ARB2A: variants seen among roughly 807,000 people sequenced by gnomAD.
The protein encoded by ARB2A is ARB2 cotranscriptional regulator A, also known as cotranscriptional regulator ARB2A.
At chr5:93,621,192 C>T in the ARB2A span, 17 of 1,495,470 alleles carry the variant, frequency 1.1e-5, no homozygotes, top group African/African-American at 1.7e-4. Flanking sequence ...GTGAGGGCGG[C>T]GAGGGCCAGG....
At chr5:93,876,466 C>T in the ARB2A span, among the ~76,000 whole-genome samples, 2 of 152,070 alleles carry the variant, frequency 1.3e-5, no homozygotes, top group African/African-American at 4.8e-5. Context: ...GTTCTTTGAT[C>T]TCTCATGCTC....
At chr5:94,055,056 C>T in the ARB2A span, among the ~76,000 whole-genome samples, 67 of 152,286 alleles carry the variant, frequency 4.4e-4, no homozygotes, top group Admixed American at 2.7e-3. Flanking sequence ...AGTCTGTCAA[C>T]AAGCATTTAA....
At chr5:93,672,284 T>G in the ARB2A span, among the ~76,000 whole-genome samples, 1 of 151,972 alleles carries the variant, frequency 6.6e-6, no homozygotes, top group Non-Finnish European at 1.5e-5. Context: ...AAAAAAGTAG[T>G]GATAGAAATG....
At chr5:93,651,563 A>G in the ARB2A span, among the ~76,000 whole-genome samples, 3 of 152,242 alleles carry the variant, frequency 2.0e-5, no homozygotes, top group East Asian at 3.8e-4. Flanking sequence ...ACATGACAGA[A>G]TAAGTTCTTT....
the ARB2A span, among the ~76,000 whole-genome samples, chr5:93,849,386 T>C: frequency 7.9e-5 from 12 of 152,148 alleles, no homozygotes; most frequent in Non-Finnish European, 1.3e-4. Context: ...TATTATTGCA[T>C]TGTACTAAAG....
chr5:93,901,032 G>C, the ARB2A span, among the ~76,000 whole-genome samples: 2 of 152,060 alleles, frequency 1.3e-5, no homozygotes, highest in Non-Finnish European at 2.9e-5. Flanking sequence ...TCACCTTATA[G>C]CTTTAGTAGG....
chr5:93,857,062 G>C, the ARB2A span, among the ~76,000 whole-genome samples: 1 of 152,194 alleles, frequency 6.6e-6, no homozygotes, highest in Admixed American at 6.5e-5. Context: ...GACCCTATTT[G>C]CCTGGGTATC....
chr5:94,097,614 T>C, the ARB2A span, among the ~76,000 whole-genome samples: 1 of 152,198 alleles, frequency 6.6e-6, no homozygotes, highest in African/African-American at 2.4e-5. Context: ...TGCTCCTCCT[T>C]GCCTTCCACC....
chr5:94,024,518 C>G, the ARB2A span, among the ~76,000 whole-genome samples: 4 of 152,024 alleles, frequency 2.6e-5, no homozygotes, highest in Non-Finnish European at 5.9e-5. Context: ...CTGGAGAACC[C>G]TAACTATCCA....
the ARB2A span, among the ~76,000 whole-genome samples, chr5:93,730,071 A>G: frequency 6.6e-6 from 1 of 152,212 alleles, no homozygotes; most frequent in Non-Finnish European, 1.5e-5. Context: ...TGACTAATGC[A>G]AGAAACTCAG....
chr5:93,696,463 T>C, the ARB2A span, among the ~76,000 whole-genome samples: 1 of 152,204 alleles, frequency 6.6e-6, no homozygotes, highest in Non-Finnish European at 1.5e-5. Context: ...CCTGAACGTC[T>C]TATTGGATCT....
chr5:94,009,842 T>C, the ARB2A span, among the ~76,000 whole-genome samples: 3 of 152,040 alleles, frequency 2.0e-5, no homozygotes, highest in Admixed American at 2.0e-4. Context: ...TAAAATTCTC[T>C]ACTATTGTTT....
At chr5:94,065,183 T>C in the ARB2A span, among the ~76,000 whole-genome samples, 17 of 152,350 alleles carry the variant, frequency 1.1e-4, no homozygotes, top group South Asian at 3.3e-3. Flanking sequence ...ACTCATCTTA[T>C]CTGTAAAGAC....
the ARB2A span, among the ~76,000 whole-genome samples, chr5:93,763,491 C>A: frequency 3.8e-3 from 573 of 152,178 alleles, 5 homozygotes; most frequent in African/African-American, 0.013. Context: ...CAACAAGAAG[C>A]GCTAACTACC....
the ARB2A span, among the ~76,000 whole-genome samples, chr5:93,822,066 T>G: frequency 6.6e-6 from 1 of 152,208 alleles, no homozygotes; most frequent in Non-Finnish European, 1.5e-5. Context: ...ATGTGCCTCC[T>G]GCAGAGATAG....
the ARB2A span, among the ~76,000 whole-genome samples, chr5:93,819,549 T>C: frequency 6.6e-6 from 1 of 152,234 alleles, no homozygotes; most frequent in African/African-American, 2.4e-5. Context: ...CTTCCCTCAA[T>C]TTTTGACTCC....
chr5:93,781,333 G>A, the ARB2A span, among the ~76,000 whole-genome samples: 6 of 152,138 alleles, frequency 3.9e-5, no homozygotes, highest in Non-Finnish European at 8.8e-5. Flanking sequence ...GTTGCTGTAA[G>A]ATATAATTTC....
chr5:93,720,199 TC>T, the ARB2A span, among the ~76,000 whole-genome samples: 1 of 152,348 alleles, frequency 6.6e-6, no homozygotes, highest in Admixed American at 6.5e-5. Context: ...TTTATTCTAA[TC>T]TATCCAATGT....
the ARB2A span, among the ~76,000 whole-genome samples, chr5:93,765,762 A>G: frequency 5.4e-3 from 826 of 152,266 alleles, 2 homozygotes; most frequent in Non-Finnish European, 9.5e-3. Context: ...AAAGCTGGAG[A>G]CATCACACTA....
Sources: allele counts gnomAD v4.1 joint callset (sites outside exome capture counted in the v4.1 genomes callset), GRCh38; gene constraint gnomAD v4.1.1; transcripts MANE v1.5; gene names NCBI Gene and HGNC (gene_info 2026-07-23, HGNC 2026-07-21).